Variants in PCYT1A observed in about 807,000 individuals in gnomAD.
PCYT1A encodes phosphate cytidylyltransferase 1A, choline.
In PCYT1A, 25 loss-of-function variants were observed where a neutral mutation model predicts 43.7. The ratio of observed to expected loss-of-function variants is 0.57; its 90% CI spans 0.42 to 0.80. PCYT1A has a LOEUF of 0.80. Among genes scored for constraint, PCYT1A ranks in the 30% least tolerant of loss-of-function variants. The pLI, the probability that PCYT1A is intolerant of heterozygous loss-of-function variation, is 0.00. For missense variants in PCYT1A, 421 were observed against 474.2 expected (o/e 0.89, Z 1.04); for synonymous variants, 172 against 170.7 (o/e 1.01, Z -0.06).
At chr3:196,245,084 C>G (rs1724517768) in intron 5 of PCYT1A, among the ~76,000 whole-genome samples, 1 of 64,508 alleles carries the variant, frequency 1.6e-5, no homozygotes, top group Non-Finnish European at 2.9e-5. Context: ...CAAGAATGAT[C>G]AATAAAAATA....
chr3:196,284,458 G>A (rs922969694), intron 1 of PCYT1A, among the ~76,000 whole-genome samples: 26 of 152,140 alleles, frequency 1.7e-4, no homozygotes, highest in African/African-American at 6.3e-4. Flanking sequence ...TTAATCATAA[G>A]AAGAGTTACC....
At chr3:196,245,144 T>C (rs116060685) in intron 5 of PCYT1A, among the ~76,000 whole-genome samples, 18,136 of 133,954 alleles carry the variant, frequency 0.14, 1,181 homozygotes, top group South Asian at 0.27. Context: ...ATTTCACTAC[T>C]TTTTTTTTTT....
intron 1 of PCYT1A, among the ~76,000 whole-genome samples, chr3:196,285,916 G>A (rs112438374): frequency 3.3e-4 from 50 of 152,112 alleles, no homozygotes; most frequent in African/African-American, 1.1e-3. Context: ...TTTATTGTTG[G>A]CAGATTATTT....
chr3:196,244,567 C>A (rs186755436), intron 5 of PCYT1A, among the ~76,000 whole-genome samples: 2 of 151,808 alleles, frequency 1.3e-5, no homozygotes, highest in African/African-American at 2.4e-5. Context: ...CCCCTCTGCC[C>A]GGCCACCACC....
intron 1 of PCYT1A, among the ~76,000 whole-genome samples, chr3:196,278,980 CAAAAAAAAAAA>C: frequency 1.9e-5 from 1 of 51,650 alleles, no homozygotes; most frequent in South Asian, 6.9e-4. Flanking sequence ...GACCTCATCT[CAAAAAAAAAAA>C]AAAAAAAAAA....
chr3:196,278,145 G>A (rs1406140831), intron 1 of PCYT1A, among the ~76,000 whole-genome samples: 2 of 152,192 alleles, frequency 1.3e-5, no homozygotes, highest in African/African-American at 2.4e-5. Flanking sequence ...AGGGCGTACT[G>A]AAGACAGTAA....
At chr3:196,286,298 C>T (rs1725912097) in intron 1 of PCYT1A, among the ~76,000 whole-genome samples, 1 of 152,146 alleles carries the variant, frequency 6.6e-6, no homozygotes, top group African/African-American at 2.4e-5. Flanking sequence ...CACAGCTAGT[C>T]ACCTCAATTA....
In PCYT1A at chr3:196,252,940, T is replaced by C. The variant is rs1313588229; in HGVS notation, c.218-4617A>G. Among the ~76,000 whole-genome samples the C allele has an allele frequency of 6.6e-6, 1 of 152,184 alleles. No homozygotes were observed. The highest frequency in any genetic ancestry group is 1.5e-5 in the Non-Finnish European group (1 of 68,034). Reference sequence around the variant, plus strand: ...AAAATATTTTTAAAAAGATAATTTTTAATAAGACAAAGCAAAATAAAACAA... The same window carrying C: ...AAAATATTTTTAAAAAGATAATTTTCAATAAGACAAAGCAAAATAAAACAA... On this transcript the variant is annotated intron_variant, in intron 3 of 8. Transcript: ENST00000431016. The surrounding 1 kb of genome is among the most constrained non-coding windows in gnomAD (Gnocchi z 4.0).
rs1480283017 is a variant in PCYT1A, at chr3:196,257,487, T to C, written c.217+301A>G. 3.9e-4 allele frequency among the ~76,000 whole-genome samples: 59 copies of C among 152,162 alleles called. 1 individual carries two copies. The highest frequency in any genetic ancestry group is 1.9e-4 in the Non-Finnish European group (13 of 68,036). ...ACACATGATTTGGACTTTATAGAAATAGATAAGATCATAACTCAGCTCAAG... is the reference window on the plus strand; with the variant it reads ...ACACATGATTTGGACTTTATAGAAACAGATAAGATCATAACTCAGCTCAAG... On this transcript the variant is annotated intron_variant, in intron 3 of 8. Transcript: ENST00000431016.
chr3:196,265,761 G>A (rs142469246), intron 2 of PCYT1A, among the ~76,000 whole-genome samples: 9 of 151,732 alleles, frequency 5.9e-5, no homozygotes, highest in Non-Finnish European at 1.0e-4. Context: ...TTTTTGAGAC[G>A]GAGTCTCGCT....
chr3:196,244,580 GT>G lies in PCYT1A; in HGVS notation c.487-1941del, dbSNP rs528372876. ...AGCCCCTCTGCCCGGCCACCACCCCGTCTGGGAGGTGTACCCAACAGCTCAT... is the reference window on the plus strand; with the variant it reads ...AGCCCCTCTGCCCGGCCACCACCCCGCTGGGAGGTGTACCCAACAGCTCAT... On this transcript the variant is annotated intron_variant, in intron 5 of 8. Coordinates refer to ENST00000431016, the MANE Select transcript of PCYT1A (RefSeq NM_001312673.2). 1.9e-4 allele frequency among the ~76,000 whole-genome samples: 29 copies of G among 152,148 alleles called. 1 individual carries two copies. The South Asian group carries it at 6.0e-3, about 32-fold the overall frequency.
At chr3:196,262,092 G>A (rs906092244) in intron 2 of PCYT1A, among the ~76,000 whole-genome samples, 7 of 152,144 alleles carry the variant, frequency 4.6e-5, no homozygotes, top group African/African-American at 1.7e-4. Context: ...ATAAAAGTAG[G>A]ACTAAATATT....
chr3:196,258,505 T>C (rs945500508), intron 2 of PCYT1A, among the ~76,000 whole-genome samples: 4 of 152,118 alleles, frequency 2.6e-5, no homozygotes, highest in Non-Finnish European at 2.9e-5. Context: ...CTAGTATCCG[T>C]TGTTGTTTCA....
intron 1 of PCYT1A, among the ~76,000 whole-genome samples, chr3:196,280,169 G>A (rs1007238507): frequency 4.6e-5 from 7 of 152,086 alleles, no homozygotes; most frequent in Non-Finnish European, 1.0e-4. Flanking sequence ...ATTGCAAACA[G>A]ACCTACCAAG....
intron 1 of PCYT1A, among the ~76,000 whole-genome samples, chr3:196,278,911 G>C (rs1374050547): frequency 6.7e-6 from 1 of 149,284 alleles, no homozygotes; most frequent in Admixed American, 6.8e-5. Flanking sequence ...AACCCAGGAT[G>C]CAGAGGTTGC....
In PCYT1A at chr3:196,246,211, C is replaced by T. The variant is rs545287855; in HGVS notation, c.486+1156G>A. Reference sequence around the variant, plus strand: ...AATATCCCCTCTTCAGGCCTACCCACGTATTGCTTTAGAAGCACTTTGGCT... The same window carrying T: ...AATATCCCCTCTTCAGGCCTACCCATGTATTGCTTTAGAAGCACTTTGGCT... On this transcript the variant is annotated intron_variant, in intron 5 of 8. Coordinates refer to ENST00000431016, the MANE Select transcript of PCYT1A (RefSeq NM_001312673.2). Among the ~76,000 whole-genome samples, 23 of 152,310 alleles carry T rather than the reference C, an allele frequency of 1.5e-4. No individual in the cohort carries two copies. In the South Asian group the frequency reaches 3.9e-3, roughly 26 times the overall value.
intron 2 of PCYT1A, among the ~76,000 whole-genome samples, chr3:196,262,196 A>G (rs1419816190): frequency 6.6e-6 from 1 of 152,230 alleles, no homozygotes; most frequent in African/African-American, 2.4e-5. Context: ...GTAGTGAGGT[A>G]TAAATGAAAG....
At chr3:196,262,158 T>G (rs1725130744) in intron 2 of PCYT1A, among the ~76,000 whole-genome samples, 1 of 152,162 alleles carries the variant, frequency 6.6e-6, no homozygotes, top group African/African-American at 2.4e-5. Flanking sequence ...AATGCCACAG[T>G]ATCGCTTTCA....
intron 1 of PCYT1A, chr3:196,287,283 C>G (rs1018308233): frequency 6.6e-6 from 1 of 152,504 alleles, no homozygotes; most frequent in Non-Finnish European, 1.5e-5. Flanking sequence ...TCCCTTAGGT[C>G]CGGATCCCCC....
Sources: allele counts gnomAD v4.1 joint callset (sites outside exome capture counted in the v4.1 genomes callset), GRCh38; gene constraint gnomAD v4.1.1; non-coding constraint Gnocchi (gnomAD v3.1); transcripts MANE v1.5; gene names NCBI Gene and HGNC (gene_info 2026-07-23, HGNC 2026-07-21).